Variants in GATB observed in about 807,000 individuals in gnomAD.
GATB encodes glutamyl-tRNA amidotransferase subunit B, also known as glutamyl-tRNA(Gln) amidotransferase subunit B, mitochondrial.
In GATB, 39 loss-of-function variants were observed where a neutral mutation model predicts 62.3. That is an observed-to-expected ratio of 0.63 (90% CI 0.48 to 0.82). The LOEUF is 0.82. Ranked by LOEUF, GATB falls within the 40% of genes least tolerant of loss-of-function variation. The probability of loss-of-function intolerance (pLI) is 0.00; values close to 1 mark genes in which losing one functional copy is unlikely to be tolerated. For missense variants in GATB, 670 were observed against 684.0 expected (o/e 0.98, Z 0.23); for synonymous variants, 276 against 258.9 (o/e 1.07, Z -0.63).
intron 9 of GATB, among the ~76,000 whole-genome samples, chr4:151,693,403 G>A (rs1233658451): frequency 6.6e-6 from 1 of 152,200 alleles, no homozygotes; most frequent in Non-Finnish European, 1.5e-5. Context: ...TTCAGCGAGT[G>A]CTCCTGTGAA....
chr4:151,716,817 G>A, intron 4 of GATB, 59 bp downstream of exon 4: 1 of 1,493,270 alleles, frequency 6.7e-7, no homozygotes, highest in Non-Finnish European at 9.3e-7. Context: ...TGAAAAGAGG[G>A]CCCTGCTATC....
In GATB at chr4:151,675,144, G is replaced by C. The variant is rs1560839061; in HGVS notation, c.1411-2248C>G. ...TCACTTCCAATCACACCATTCAGAA[G>C]GAGAAGCAGTGCACCTCTAGGACAG... On this transcript the variant is annotated intron_variant, in intron 11 of 12. Coordinates refer to ENST00000263985, the MANE Select transcript of GATB (RefSeq NM_004564.3). 6 of 152,302 alleles carry C rather than the reference G, an allele frequency of 3.9e-5. No homozygotes were observed. In the South Asian group the frequency reaches 1.2e-3, roughly 32 times the overall value. The allele number at this position is 152,302 out of a possible 1,614,324, so 9.4% of individuals were successfully genotyped here.
intron 2 of GATB, chr4:151,720,900 T>C (rs1355737530): frequency 6.6e-6 from 1 of 152,102 alleles, no homozygotes; most frequent in African/African-American, 2.4e-5. Context: ...TACAACAAAA[T>C]GGAAGGGGCA....
chr4:151,682,158 C>T (rs1384302769), intron 10 of GATB, among the ~76,000 whole-genome samples: 2 of 152,216 alleles, frequency 1.3e-5, no homozygotes, highest in African/African-American at 2.4e-5. Flanking sequence ...AATCTTTCCA[C>T]TGACGTAATC....
Position 151,719,409 on chromosome 4 carries a change from C to A in GATB, c.441+16G>T. 1.3e-6 allele frequency: 2 copies of A among 1,576,824 alleles called. No homozygotes were observed. The highest frequency in any genetic ancestry group is 2.2e-5 in the South Asian group (2 of 89,648). ...TCTGAGAACTTGCAGTGGGGTGGAT[C>A]ACAAAGTGTACTTACAGGGAGGTCT... is the stretch of plus-strand genomic sequence containing the variant. On this transcript the variant is annotated intron_variant, in intron 3 of 12. Transcript: ENST00000263985.
At chr4:151,681,577 C>T (rs1694320098) in intron 10 of GATB, among the ~76,000 whole-genome samples, 1 of 152,170 alleles carries the variant, frequency 6.6e-6, no homozygotes, top group African/African-American at 2.4e-5. Flanking sequence ...GTGTGCAGAA[C>T]CCATAAGAAG....
Position 151,704,455 on chromosome 4 carries a change from CT to C in GATB, c.963-561del, listed in dbSNP as rs954774845. ...TATCCCTATAGGGTACAGTACTTTT[CT>C]TTTTTTTTTTTCTTTGAGACGGAGT... On this transcript the variant is annotated intron_variant, in intron 7 of 12. Transcript: ENST00000263985. Among the ~76,000 whole-genome samples the C allele has an allele frequency of 7.9e-3, 1,158 of 147,150 alleles. 11 individuals are homozygous for C. Among genetic ancestry groups the C allele is most frequent in the African/African-American group, 0.026 (1,046 of 40,394 alleles).
rs1159723886 is a variant in GATB, at chr4:151,688,676, TG to T, written c.1284del (p.Asn428LysfsTer7). 1 of 1,612,836 alleles carries T rather than the reference TG, an allele frequency of 6.2e-7. No individual in the cohort carries two copies. The highest frequency in any genetic ancestry group is 1.3e-5 in the African/African-American group (1 of 74,808). ...TGTTGCTTTAAATAGCCCAGAAAAGTGTTGAGGACCCAACTAGTCACCTTTT... is the reference window on the plus strand; with the variant it reads ...TGTTGCTTTAAATAGCCCAGAAAAGTTTGAGGACCCAACTAGTCACCTTTT... ...EPKKVTSWVL[N>X]TFLGYLKQQN... On this transcript the variant is annotated frameshift_variant, in exon 10 of 13. Transcript: ENST00000263985. LOFTEE classifies it high-confidence loss of function.
intron 3 of GATB, among the ~76,000 whole-genome samples, chr4:151,719,149 C>G (rs1172941427): frequency 6.6e-6 from 1 of 150,896 alleles, no homozygotes; most frequent in Non-Finnish European, 1.5e-5. Flanking sequence ...CAGGCTGAGC[C>G]TGCAAACACT....
At chr4:151,734,242 A>C (rs1461662894) in intron 2 of GATB, among the ~76,000 whole-genome samples, 2 of 152,212 alleles carry the variant, frequency 1.3e-5, no homozygotes, top group East Asian at 3.8e-4. Flanking sequence ...AGAATTCAGC[A>C]AAGTTTCCAG....
intron 5 of GATB, among the ~76,000 whole-genome samples, chr4:151,715,691 G>A (rs924476354): frequency 1.8e-4 from 28 of 152,160 alleles, no homozygotes; most frequent in African/African-American, 6.8e-4. Flanking sequence ...ACTAAGAACT[G>A]TTCTTGATAA....
intron 2 of GATB, 110 bp from the exon 3 acceptor site, chr4:151,719,648 A>C (rs1413732275): frequency 1.6e-6 from 1 of 641,312 alleles, no homozygotes; most frequent in African/African-American, 1.9e-5. Flanking sequence ...AACAGGCATT[A>C]TCTCTGGTTC....
At chr4:151,677,876 A>T (rs1738041872) in intron 11 of GATB, 1 of 152,052 alleles carries the variant, frequency 6.6e-6, no homozygotes, top group African/African-American at 2.4e-5. Flanking sequence ...AAATAAACTA[A>T]AAAAAAGTAC....
At chr4:151,679,947 T>C in intron 10 of GATB, 56 bp from the exon 11 acceptor site, 1 of 1,486,918 alleles carries the variant, frequency 6.7e-7, no homozygotes, top group African/African-American at 1.4e-5. Context: ...AGGGCATCCA[T>C]GAATGGCTGT....
chr4:151,735,867 G>A lies in GATB; in HGVS notation c.328-16329C>T, dbSNP rs773008030. Among the ~76,000 whole-genome samples, 27 of 151,344 alleles carry A rather than the reference G, an allele frequency of 1.8e-4. 1 individual carries two copies. The highest frequency in any genetic ancestry group is 9.2e-4 in the Admixed American group (14 of 15,188). On this transcript the variant is annotated intron_variant, in intron 2 of 12. Transcript: ENST00000263985. The stretch of plus-strand genomic sequence containing the variant: ...ATGATACAATGGACTTTGGGGACTC[G>A]GAGGAAGAGTGGGAAGGGGGCAAGG...
rs567491297 is a variant in GATB, at chr4:151,759,741, T to C, written c.177-819A>G. 8.3e-4 allele frequency among the ~76,000 whole-genome samples: 127 copies of C among 152,292 alleles called. 1 individual carries two copies. Among genetic ancestry groups the C allele is most frequent in the African/African-American group, 2.8e-3 (117 of 41,562 alleles). On this transcript the variant is annotated intron_variant, in intron 1 of 12. Coordinates refer to ENST00000263985, the MANE Select transcript of GATB (RefSeq NM_004564.3). ...ATAAATGTGCTTATTCCCTATGAAA[T>C]CCATGTATGTTCCTATCCTGCTCTT...
intron 7 of GATB, among the ~76,000 whole-genome samples, chr4:151,704,463 T>C (rs111388372): frequency 0.015 from 2,336 of 152,236 alleles, 27 homozygotes; most frequent in Non-Finnish European, 0.026. Flanking sequence ...TTCTTTTTTT[T>C]TTTTCTTTGA....
chr4:151,728,132 T>G (rs946283413), intron 2 of GATB, among the ~76,000 whole-genome samples: 10 of 152,220 alleles, frequency 6.6e-5, no homozygotes, highest in Admixed American at 3.3e-4. Flanking sequence ...TTTCTTTGTT[T>G]CATAATGAAG....
chr4:151,716,693 C>T (rs1177798590), intron 4 of GATB, among the ~76,000 whole-genome samples, 183 bp downstream of exon 4: 1 of 152,140 alleles, frequency 6.6e-6, no homozygotes, highest in African/African-American at 2.4e-5. Context: ...CTAATAATTA[C>T]AGTTCAAGCC....
Sources: allele counts gnomAD v4.1 joint callset (sites outside exome capture counted in the v4.1 genomes callset), GRCh38; gene constraint gnomAD v4.1.1; transcripts MANE v1.5; gene names NCBI Gene and HGNC (gene_info 2026-07-23, HGNC 2026-07-21).